EYA1: variants seen among roughly 807,000 people sequenced by gnomAD.
EYA1 encodes the protein EYA transcriptional coactivator and phosphatase 1, also known as protein phosphatase EYA1.
In EYA1, 16 loss-of-function variants were observed where a neutral mutation model predicts 82.0. The observed-to-expected ratio is 0.20, with a 90% CI of 0.13 to 0.30. The LOEUF (loss-of-function observed/expected upper bound fraction) is 0.30. Ranked by LOEUF, EYA1 falls within the 10% of genes least tolerant of loss-of-function variation. The pLI, the probability that EYA1 is intolerant of heterozygous loss-of-function variation, is 1.00. For synonymous variants in EYA1, 261 were observed against 264.4 expected, an observed-to-expected ratio of 0.99 and a Z score of 0.12; for missense variants, 633 against 730.7, an observed-to-expected ratio of 0.87 and a Z score of 1.54.
intron 12 of EYA1, among the ~76,000 whole-genome samples, chr8:71,228,382 G>A (rs1810804236): frequency 6.6e-6 from 1 of 152,030 alleles, no homozygotes; most frequent in African/African-American, 2.4e-5. Context: ...TCCAGCATGG[G>A]GAGCCCTGGT....
chr8:71,425,977 G>C (rs1336909028), intron 2 of EYA1, among the ~76,000 whole-genome samples: 1 of 152,196 alleles, frequency 6.6e-6, no homozygotes, highest in African/African-American at 2.4e-5. Flanking sequence ...AAGCTATATA[G>C]ACCTCATGAG....
rs532311985 is a variant in EYA1, at chr8:71,484,736, C to A, written c.33+51008G>T. On this transcript the variant is annotated intron_variant, in intron 2 of 18. Coordinates refer to the EYA1 transcript ENST00000643681. ...CTAATGAAAAGGTCAGTTACTGCAC[C>A]TTGTACTTCCTGTCCCAGGGAGCTA... Among the ~76,000 whole-genome samples, 25 of 152,334 alleles carry A rather than the reference C, an allele frequency of 1.6e-4. No individual in the cohort carries two copies. The East Asian group carries it at 4.4e-3, about 27-fold the overall frequency.
rs116592102 is a variant in EYA1, at chr8:71,507,267, G to A, written c.33+28477C>T. 5.0e-3 allele frequency among the ~76,000 whole-genome samples: 766 copies of A among 152,278 alleles called. 7 individuals are homozygous for A. The highest frequency in any genetic ancestry group is 0.017 in the African/African-American group (717 of 41,550). ...GGTCACAGAGCTGGTAAGTGTTACA[G>A]CCTAAATTTAACCCTGAGTGGTGGG... On this transcript the variant is annotated intron_variant, in intron 2 of 18. Transcript: ENST00000643681.
At chr8:71,262,425 AC>A (rs765373184) in intron 11 of EYA1, among the ~76,000 whole-genome samples, 4 of 151,706 alleles carry the variant, frequency 2.6e-5, no homozygotes, top group Non-Finnish European at 5.9e-5. Flanking sequence ...CCTCCTCTGA[AC>A]CCCCAAAGTA....
chr8:71,459,838 G>T (rs1158415192), intron 2 of EYA1, among the ~76,000 whole-genome samples: 1 of 151,772 alleles, frequency 6.6e-6, no homozygotes, highest in Non-Finnish European at 1.5e-5. Context: ...CTGTCAATTT[G>T]CATACCCACT....
At chr8:71,270,753 G>A (rs970610468) in intron 10 of EYA1, among the ~76,000 whole-genome samples, 1 of 152,150 alleles carries the variant, frequency 6.6e-6, no homozygotes, top group African/African-American at 2.4e-5. Context: ...TGTCTCATTA[G>A]ATGATTACTA....
intron 2 of EYA1, among the ~76,000 whole-genome samples, chr8:71,479,576 T>C (rs549067685): frequency 2.0e-5 from 3 of 150,488 alleles, no homozygotes; most frequent in East Asian, 2.0e-4. Context: ...ATAAACACTG[T>C]TGAATGAGCA....
intron 2 of EYA1, among the ~76,000 whole-genome samples, chr8:71,449,515 A>C (rs1171450514): frequency 2.0e-5 from 3 of 152,208 alleles, no homozygotes; most frequent in African/African-American, 7.2e-5. Flanking sequence ...CTGGGCTTAA[A>C]ATATTTAAAA....
chr8:71,423,112 A>C (rs1376080040), intron 2 of EYA1, among the ~76,000 whole-genome samples: 1 of 152,178 alleles, frequency 6.6e-6, no homozygotes, highest in Non-Finnish European at 1.5e-5. Context: ...GATGTTATAA[A>C]GTACTAATGT....
intron 11 of EYA1, among the ~76,000 whole-genome samples, chr8:71,246,856 TCAACC>T (rs1339181369): frequency 6.6e-6 from 1 of 151,784 alleles, no homozygotes; most frequent in Middle Eastern, 3.2e-3. Context: ...AGCCTGGAGG[TCAACC>T]CAACCCAACC....
At chr8:71,259,839 C>T (rs1259191824) in intron 11 of EYA1, among the ~76,000 whole-genome samples, 1 of 152,144 alleles carries the variant, frequency 6.6e-6, no homozygotes, top group Non-Finnish European at 1.5e-5. Flanking sequence ...TAAAGGTAAC[C>T]ATTTTCTAAC....
At chr8:71,224,101 T>C (rs1034332387) in intron 12 of EYA1, among the ~76,000 whole-genome samples, 10 of 152,182 alleles carry the variant, frequency 6.6e-5, no homozygotes, top group Non-Finnish European at 1.3e-4. Context: ...AAACCTGAAG[T>C]CCTTGAATAA....
intron 2 of EYA1, among the ~76,000 whole-genome samples, chr8:71,370,372 G>T (rs375755886): frequency 6.8e-6 from 1 of 147,744 alleles, no homozygotes; most frequent in African/African-American, 2.5e-5. Flanking sequence ...TATTTATCAT[G>T]TATCTAGTAT....
chr8:71,427,430 T>C (rs1264790070), intron 2 of EYA1, among the ~76,000 whole-genome samples: 1 of 152,180 alleles, frequency 6.6e-6, no homozygotes, highest in African/African-American at 2.4e-5. Flanking sequence ...AACCAAAATA[T>C]ATGCAGAAAT....
intron 2 of EYA1, among the ~76,000 whole-genome samples, chr8:71,385,096 A>G (rs538791828): frequency 6.6e-6 from 1 of 152,098 alleles, no homozygotes; most frequent in South Asian, 2.1e-4. Context: ...TGCAGCCTCA[A>G]ACTCCTGGGC....
At chr8:71,309,447 C>A (rs965477497) in intron 7 of EYA1, among the ~76,000 whole-genome samples, 4 of 152,074 alleles carry the variant, frequency 2.6e-5, no homozygotes, top group African/African-American at 9.7e-5. Flanking sequence ...AGGGGCAATT[C>A]TGCACATCAG....
intron 1 of EYA1, chr8:71,356,823 C>T: frequency 2.1e-6 from 2 of 934,028 alleles, no homozygotes; most frequent in Non-Finnish European, 2.6e-6. Flanking sequence ...GCAAAGCAGC[C>T]TTGCCCAGGC....
chr8:71,474,156 C>A (rs1209718938), intron 2 of EYA1, among the ~76,000 whole-genome samples: 7 of 148,888 alleles, frequency 4.7e-5, no homozygotes, highest in South Asian at 2.1e-4. Flanking sequence ...ATGTAACAAA[C>A]CTGCACGTTC....
chr8:71,462,043 C>T lies in EYA1; in HGVS notation c.33+73701G>A, dbSNP rs563394249. On this transcript the variant is annotated intron_variant, in intron 2 of 18. Coordinates refer to the EYA1 transcript ENST00000643681. ...ACCATGGCTGGGCCCAGAAAAGGCA[C>T]CACAAGTTCCCACTCCAGTCCTCAG... Among the ~76,000 whole-genome samples the T allele has an allele frequency of 2.0e-5, 3 of 152,168 alleles. No homozygotes were observed. The South Asian group carries it at 6.2e-4, about 32-fold the overall frequency.
Sources: gnomAD v4.1 joint callset for allele counts (sites outside exome capture counted in the v4.1 genomes callset) on GRCh38, gnomAD v4.1.1 for gene constraint, MANE v1.5 for transcripts, NCBI Gene and HGNC (gene_info 2026-07-23, HGNC 2026-07-21) for gene names.